PIGL: variants seen among roughly 807,000 people sequenced by gnomAD.
The protein encoded by PIGL is phosphatidylinositol glycan anchor biosynthesis class L.
PIGL carries 22 observed loss-of-function variants against 31.1 expected under a neutral mutation model. The observed-to-expected ratio is 0.71, with a 90% CI of 0.51 to 1.01. The LOEUF is 1.01. Among genes scored for constraint, PIGL ranks in the 50% least tolerant of loss-of-function variants. The probability of loss-of-function intolerance (pLI) is 0.00; values close to 1 mark genes in which losing one functional copy is unlikely to be tolerated. For missense variants in PIGL, 302 were observed against 315.9 expected, an observed-to-expected ratio of 0.96 and a Z score of 0.33; for synonymous variants, 131 against 117.4, an observed-to-expected ratio of 1.12 and a Z score of -0.75.
intron 5 of PIGL, 100 bp from the exon 6 acceptor site, chr17:16,317,675 T>C: frequency 6.4e-7 from 1 of 1,571,140 alleles, no homozygotes. Flanking sequence ...GCCACTGTCC[T>C]GCCCTGCCCT....
chr17:16,291,608 G>A lies in PIGL; in HGVS notation c.336-8280G>A, dbSNP rs541832158. The stretch of plus-strand genomic sequence containing the variant: ...TGGCTGGGCGCAGTGGCTCACACCT[G>A]TAATCCCAGCACTTTGGGAGGCAGA... On this transcript the variant is annotated intron_variant, in intron 2 of 6. Transcript: ENST00000225609. Among the ~76,000 whole-genome samples the A allele has an allele frequency of 5.9e-5, 9 of 151,490 alleles. 1 individual carries two copies. The South Asian group carries it at 1.0e-3, about 18-fold the overall frequency.
chr17:16,310,077 CA>C (rs58352380), intron 3 of PIGL, among the ~76,000 whole-genome samples: 2,939 of 88,686 alleles, frequency 0.033, 45 homozygotes, highest in African/African-American at 0.084. Context: ...GACTCCATCT[CA>C]AAAAAAAAAA....
intron 2 of PIGL, chr17:16,279,617 G>C (rs923280756): frequency 6.6e-6 from 1 of 152,060 alleles, no homozygotes; most frequent in Non-Finnish European, 1.5e-5. Context: ...TCTTCCTATT[G>C]TACCTAAACT....
At chr17:16,219,954 G>A (rs551290745) in intron 1 of PIGL, among the ~76,000 whole-genome samples, 43 of 152,246 alleles carry the variant, frequency 2.8e-4, no homozygotes, top group African/African-American at 1.0e-3. Flanking sequence ...AAGAAGCCTG[G>A]ATTTTATTTG....
chr17:16,217,631 CTGGTGGGTTGGGG>C, intron 1 of PIGL, 170 bp downstream of exon 1: 9 of 542,294 alleles, frequency 1.7e-5, no homozygotes, highest in East Asian at 6.1e-5. Flanking sequence ...GCCGGCTTAC[CTGGTGGGTTGGGG>C]GACGTCGGCA....
intron 3 of PIGL, among the ~76,000 whole-genome samples, chr17:16,311,952 C>T (rs1249068351): frequency 3.3e-5 from 5 of 152,090 alleles, no homozygotes; most frequent in Non-Finnish European, 5.9e-5. Context: ...CATCATGGCC[C>T]GTTCTCAATG....
chr17:16,230,782 G>A (rs2092675287), intron 1 of PIGL, among the ~76,000 whole-genome samples: 1 of 151,156 alleles, frequency 6.6e-6, no homozygotes, highest in African/African-American at 2.4e-5. Flanking sequence ...GAGCCACCGT[G>A]GCCAGCCTCA....
intron 2 of PIGL, among the ~76,000 whole-genome samples, chr17:16,269,200 G>A (rs1157126882): frequency 6.6e-6 from 1 of 152,238 alleles, no homozygotes; most frequent in Non-Finnish European, 1.5e-5. Flanking sequence ...ACTTCTCAAA[G>A]GTACACATAG....
chr17:16,267,124 A>G (rs148152085), intron 2 of PIGL, among the ~76,000 whole-genome samples: 1 of 152,322 alleles, frequency 6.6e-6, no homozygotes, highest in East Asian at 1.9e-4. Context: ...ATTGACCAGA[A>G]GCCTTCTTGA....
At chr17:16,273,450 G>A (rs1344794527) in intron 2 of PIGL, among the ~76,000 whole-genome samples, 1 of 152,210 alleles carries the variant, frequency 6.6e-6, no homozygotes, top group Non-Finnish European at 1.5e-5. Context: ...GAGCTTTGAA[G>A]TACGTCAAAA....
chr17:16,249,337 G>A (rs1480133675), intron 2 of PIGL, among the ~76,000 whole-genome samples: 1 of 152,004 alleles, frequency 6.6e-6, no homozygotes, highest in East Asian at 1.9e-4. Flanking sequence ...AAATTAGCTG[G>A]GCATGGTGGC....
At chr17:16,234,220 A>G (rs1482053857) in intron 2 of PIGL, 150 bp downstream of exon 2, 2 of 527,556 alleles carry the variant, frequency 3.8e-6, no homozygotes, top group Non-Finnish European at 3.4e-6. Context: ...TTGTAATCCC[A>G]GTACTTTGGG....
chr17:16,321,120 T>G (rs2093103706), intron 6 of PIGL, among the ~76,000 whole-genome samples: 1 of 151,616 alleles, frequency 6.6e-6, no homozygotes, highest in Non-Finnish European at 1.5e-5. Flanking sequence ...GTATTTTTAG[T>G]AGAGGCAGGG....
intron 2 of PIGL, among the ~76,000 whole-genome samples, chr17:16,294,140 C>G (rs1430643972): frequency 6.6e-6 from 1 of 152,208 alleles, no homozygotes; most frequent in Non-Finnish European, 1.5e-5. Flanking sequence ...GCTTATGACA[C>G]AGTCCTAGAC....
chr17:16,264,626 T>C (rs1430278374), intron 2 of PIGL, among the ~76,000 whole-genome samples: 1 of 148,658 alleles, frequency 6.7e-6, no homozygotes, highest in African/African-American at 2.5e-5. Flanking sequence ...TTATTATTAT[T>C]ATTATTATTA....
At chr17:16,293,294 G>A (rs2092968337) in intron 2 of PIGL, among the ~76,000 whole-genome samples, 1 of 152,226 alleles carries the variant, frequency 6.6e-6, no homozygotes, top group African/African-American at 2.4e-5. Context: ...GAAGGCCAAG[G>A]TGGGTGGATC....
At chr17:16,292,103 C>T (rs2092963650) in intron 2 of PIGL, among the ~76,000 whole-genome samples, 1 of 139,254 alleles carries the variant, frequency 7.2e-6, no homozygotes, top group South Asian at 2.3e-4. Flanking sequence ...GACATGATCT[C>T]GGCTCACTGC....
chr17:16,245,547 G>T (rs765367747), intron 2 of PIGL, among the ~76,000 whole-genome samples: 1 of 149,614 alleles, frequency 6.7e-6, no homozygotes, highest in East Asian at 2.0e-4. Context: ...TTGCTCTATC[G>T]CCAGGCTGGA....
intron 2 of PIGL, among the ~76,000 whole-genome samples, chr17:16,294,785 C>A (rs1405193929): frequency 6.6e-6 from 1 of 152,198 alleles, no homozygotes; most frequent in Non-Finnish European, 1.5e-5. Context: ...GTATTTCCCC[C>A]ATCCTCCACC....
Sources: allele counts gnomAD v4.1 joint callset (sites outside exome capture counted in the v4.1 genomes callset), GRCh38; gene constraint gnomAD v4.1.1; transcripts MANE v1.5; gene names NCBI Gene and HGNC (gene_info 2026-07-23, HGNC 2026-07-21).